Variants in EDRF1 observed in about 807,000 individuals in gnomAD.
EDRF1 encodes the protein erythroid differentiation-related factor 1.
A neutral mutation model predicts 148.7 loss-of-function variants in EDRF1; 69 were observed. The ratio of observed to expected loss-of-function variants is 0.46; its 90% CI spans 0.38 to 0.57. The LOEUF (loss-of-function observed/expected upper bound fraction) is 0.57, where lower values mean the gene tolerates loss of function less well. Ranked by LOEUF, EDRF1 falls within the 20% of genes least tolerant of loss-of-function variation. EDRF1 has a pLI of 0.00. For synonymous variants in EDRF1, 515 were observed against 532.8 expected (o/e 0.97, Z 0.46); for missense variants, 1,118 against 1,478.7 (o/e 0.76, Z 4.00).
chr10:125,753,414 C>G (rs1275227878), intron 23 of EDRF1, among the ~76,000 whole-genome samples: 2 of 152,080 alleles, frequency 1.3e-5, no homozygotes, highest in Non-Finnish European at 2.9e-5. Flanking sequence ...CTCTTCTAGC[C>G]CTGCTTGGTC....
intron 22 of EDRF1, among the ~76,000 whole-genome samples, chr10:125,751,403 T>C (rs1336158570): frequency 2.7e-5 from 2 of 73,108 alleles, no homozygotes; most frequent in East Asian, 1.0e-3. Context: ...TTTTACCCAG[T>C]GTTTTTTTTT....
At chr10:125,741,785 C>T in intron 17 of EDRF1, 1 of 178,482 alleles carries the variant, frequency 5.6e-6, no homozygotes. Flanking sequence ...CCTCCACCTC[C>T]TGGGTTCAAG....
rs1849460362 is a variant in EDRF1, at chr10:125,748,115, C to G, written c.3123+103C>G. ...TCATATATGTCTTCCTTGACGTCCA[C>G]TCAGGTGAACTGCTGTCCTAAATTT... On this transcript the variant is annotated intron_variant, in intron 21 of 24. Transcript: ENST00000356792. 2.2e-6 allele frequency: 3 copies of G among 1,355,632 alleles called. No homozygotes were observed. The Admixed American group carries it at 5.3e-5, about 24-fold the overall frequency. The allele number at this position is 1,355,632 out of a possible 1,614,324, so 84.0% of individuals were successfully genotyped here. A position where few individuals can be genotyped will look rare whatever the true frequency, so the allele number is the denominator to read the frequency against.
At chr10:125,728,133 C>T (rs1589824747) in intron 6 of EDRF1, among the ~76,000 whole-genome samples, 1 of 148,238 alleles carries the variant, frequency 6.7e-6, no homozygotes, top group African/African-American at 2.5e-5. Flanking sequence ...ACCCAGGAGG[C>T]GGAGGTTGCA....
intron 7 of EDRF1, 53 bp downstream of exon 7, chr10:125,729,157 A>G: frequency 2.0e-6 from 3 of 1,513,114 alleles, no homozygotes; most frequent in Non-Finnish European, 2.7e-6. Context: ...CTACTTTGTC[A>G]TTTCAAAACT....
At chr10:125,761,729 T>C (rs776483514) in intron 24 of EDRF1, among the ~76,000 whole-genome samples, 3 of 152,298 alleles carry the variant, frequency 2.0e-5, no homozygotes, top group African/African-American at 4.8e-5. Context: ...TTCAGAGTTA[T>C]GGTTAGGACA....
chr10:125,760,714 T>C (rs1161346185), intron 24 of EDRF1, among the ~76,000 whole-genome samples: 1 of 152,170 alleles, frequency 6.6e-6, no homozygotes, highest in African/African-American at 2.4e-5. Context: ...TTTTGCAATA[T>C]AGAGAGAAAT....
chr10:125,744,359 A>AT (rs1554874018), intron 18 of EDRF1, among the ~76,000 whole-genome samples: 1 of 151,944 alleles, frequency 6.6e-6, no homozygotes, highest in African/African-American at 2.4e-5. Context: ...ATTTTTAAAA[A>AT]TTTTTTTAGA....
chr10:125,725,989 A>C, intron 6 of EDRF1, 151 bp downstream of exon 6: 1 of 878,666 alleles, frequency 1.1e-6, no homozygotes, highest in Non-Finnish European at 1.7e-6. Flanking sequence ...AATTTATGGA[A>C]TTGGAGAAAT....
chr10:125,758,571 G>A (rs1850031590), intron 24 of EDRF1, among the ~76,000 whole-genome samples: 1 of 152,106 alleles, frequency 6.6e-6, no homozygotes, highest in East Asian at 1.9e-4. Context: ...TATTGCGATG[G>A]TTACCTTCCA....
Position 125,747,865 on chromosome 10 carries a change from T to A in EDRF1, c.2976T>A (p.Ile992=). ...APLSRKAQEQ[I]EKEVSEAMMK... is the part of the protein sequence containing the mutation. The stretch of plus-strand genomic sequence containing the variant: ...CTTCCCCCTCAAAACAAGAACAGAT[T>A]GAGAAAGAAGTCAGTGAGGCCATGA... The change falls in exon 21 of 25, where the codon ATT becomes ATA. Residue 992 remains isoleucine (I), a splice_region_variant and synonymous_variant. Transcript: ENST00000356792. 1.2e-6 allele frequency: 2 copies of A among 1,614,134 alleles called. No individual in the cohort carries two copies. The highest frequency in any genetic ancestry group is 1.7e-6 in the Non-Finnish European group (2 of 1,180,006).
intron 24 of EDRF1, among the ~76,000 whole-genome samples, chr10:125,759,499 A>G (rs750298882): frequency 6.6e-6 from 1 of 152,100 alleles, no homozygotes; most frequent in Non-Finnish European, 1.5e-5. Flanking sequence ...GCCATGGCTT[A>G]CACCTGTGAT....
chr10:125,721,755 A>G (rs1425306515), intron 2 of EDRF1, among the ~76,000 whole-genome samples: 1 of 152,088 alleles, frequency 6.6e-6, no homozygotes, highest in African/African-American at 2.4e-5. Context: ...TGAGGAGGAA[A>G]ACCTTGAACA....
chr10:125,758,062 G>A (rs1850001731), intron 24 of EDRF1, among the ~76,000 whole-genome samples: 1 of 152,078 alleles, frequency 6.6e-6, no homozygotes, highest in South Asian at 2.1e-4. Flanking sequence ...TTTTGTTTGG[G>A]TAATTTCTGT....
chr10:125,742,296 C>G (rs2133724188), intron 17 of EDRF1: 2 of 1,286,950 alleles, frequency 1.6e-6, no homozygotes, highest in Non-Finnish European at 2.0e-6. Flanking sequence ...CAGTGTGTAA[C>G]CACGCTGCCA....
chr10:125,719,900 G>T lies in EDRF1; in HGVS notation c.93G>T (p.Glu31Asp). ...GCCTCCTGTCCCAGGGAGAATCCGAGGAATCTTCTGCACAGGTGAGTCCTC... is the reference window on the plus strand; with the variant it reads ...GCCTCCTGTCCCAGGGAGAATCCGATGAATCTTCTGCACAGGTGAGTCCTC... ...GLSLLSQGES[E>D]ESSAQGSALF... The change falls in exon 1 of 25, where the codon GAG becomes GAT. Residue 31 changes from glutamate (E) to aspartate (D), a missense_variant. Transcript: ENST00000356792. 6.2e-7 allele frequency: 1 copy of T among 1,613,242 alleles called. No homozygotes were observed. Among genetic ancestry groups the T allele is most frequent in the Non-Finnish European group, 8.5e-7 (1 of 1,179,872 alleles).
intron 21 of EDRF1, chr10:125,748,385 A>C (rs1380710993): frequency 6.5e-6 from 2 of 307,526 alleles, no homozygotes; most frequent in Admixed American, 9.7e-5. Flanking sequence ...TTTTGGGGTT[A>C]TTCCAGATTC....
Position 125,747,572 on chromosome 10 carries a change from G to C in EDRF1, c.2851G>C (p.Gly951Arg), listed in dbSNP as rs751975054. Residue 951 changes from glycine to arginine, a missense_variant, in exon 20 of 25, where the codon GGA (glycine) becomes CGA (arginine). Physicochemically the swap from Gly to Arg is moderately radical, Grantham distance 125. Transcript: ENST00000356792. ...CTATTTGAAAGCGCTAAGGTCATTGGGAACACGAGACATACACCCAGCTGT... is the reference window on the plus strand; with the variant it reads ...CTATTTGAAAGCGCTAAGGTCATTGCGAACACGAGACATACACCCAGCTGT... ...DYYLKALRSL[G>R]TRDIHPAVWD... is the part of the protein sequence containing the mutation. 1.9e-6 allele frequency: 3 copies of C among 1,614,114 alleles called. No homozygotes were observed. The South Asian group carries it at 3.3e-5, about 18-fold the overall frequency.
chr10:125,734,703 A>G (rs562690565), intron 12 of EDRF1, among the ~76,000 whole-genome samples: 1 of 152,294 alleles, frequency 6.6e-6, no homozygotes, highest in South Asian at 2.1e-4. Context: ...AAAGGCCAGT[A>G]AAATTTCTTT....
Sources: gnomAD v4.1 joint callset for allele counts (sites outside exome capture counted in the v4.1 genomes callset) on GRCh38, gnomAD v4.1.1 for gene constraint, MANE v1.5 for transcripts, NCBI Gene and HGNC (gene_info 2026-07-23, HGNC 2026-07-21) for gene names.